Variants in IRAG1 observed in about 807,000 individuals in gnomAD.
The protein encoded by IRAG1 is inositol 1,4,5-triphosphate receptor associated 1.
In IRAG1, 62 loss-of-function variants were observed where a neutral mutation model predicts 106.2. That is an observed-to-expected ratio of 0.58 (90% confidence interval 0.48 to 0.72). IRAG1 has a LOEUF of 0.72. IRAG1 is among the 30% of genes least tolerant of loss of function. The pLI, the probability that IRAG1 is intolerant of heterozygous loss-of-function variation, is 0.00. For synonymous variants in IRAG1, 462 were observed against 443.9 expected, an observed-to-expected ratio of 1.04 and a Z score of -0.51; for missense variants, 1,064 against 1,140.7, an observed-to-expected ratio of 0.93 and a Z score of 0.97.
chr11:10,656,913 T>C (rs1858968900), intron 1 of IRAG1, among the ~76,000 whole-genome samples: 1 of 151,876 alleles, frequency 6.6e-6, no homozygotes, highest in African/African-American at 2.4e-5. Flanking sequence ...GTACTCCCAG[T>C]GAGGCTAAGG....
intron 10 of IRAG1, among the ~76,000 whole-genome samples, chr11:10,617,835 T>C (rs1322321810): frequency 6.6e-6 from 1 of 152,140 alleles, no homozygotes; most frequent in Non-Finnish European, 1.5e-5. Context: ...CTGTCCACAT[T>C]TACTACCACC....
chr11:10,684,988 G>A (rs1367834685), intron 1 of IRAG1, among the ~76,000 whole-genome samples: 1 of 152,202 alleles, frequency 6.6e-6, no homozygotes, highest in African/African-American at 2.4e-5. Flanking sequence ...CTCTGGAAGA[G>A]TCTCTCTGCT....
At position 10,609,837 on chromosome 11, in the gene IRAG1, G is replaced by A; in HGVS notation, c.1462C>T (p.Leu488Phe). Residue 488 changes from leucine (L) to phenylalanine (F), a missense_variant, in exon 11 of 21, where the codon CTC (leucine) becomes TTC (phenylalanine). By Grantham distance (22) the Leu-to-Phe change is conservative (BLOSUM62 0). Transcript: ENST00000423302. Reference sequence around the variant, plus strand: ...TCTTCTTCCTCAATAGCTGGGGAGAGTTCAGAAGGAAGCCCTGAAAAAAAA... The same window carrying A: ...TCTTCTTCCTCAATAGCTGGGGAGAATTCAGAAGGAAGCCCTGAAAAAAAA... ...AEQEKGLPSE[L>F]SPAIEEEESK... 2 of 1,613,748 alleles carry A rather than the reference G, an allele frequency of 1.2e-6. No homozygotes were observed. The highest frequency in any genetic ancestry group is 8.5e-7 in the Non-Finnish European group (1 of 1,179,790).
chr11:10,631,443 G>A (rs1309725905), intron 4 of IRAG1, among the ~76,000 whole-genome samples: 6 of 152,118 alleles, frequency 3.9e-5, no homozygotes, highest in Admixed American at 2.0e-4. Context: ...AGAGAGACTC[G>A]GTCCCCTTCT....
intron 1 of IRAG1, among the ~76,000 whole-genome samples, chr11:10,667,445 G>A (rs1369638454): frequency 2.0e-5 from 3 of 152,180 alleles, no homozygotes; most frequent in Non-Finnish European, 4.4e-5. Flanking sequence ...TTGGGCAGGG[G>A]CCCCAGGACA....
At chr11:10,646,352 C>T (rs948867220) in intron 2 of IRAG1, among the ~76,000 whole-genome samples, 1 of 152,154 alleles carries the variant, frequency 6.6e-6, no homozygotes, top group Admixed American at 6.5e-5. Flanking sequence ...ATCTACTATC[C>T]TCCCTTCCTT....
Position 10,657,257 on chromosome 11 carries a change from G to A in IRAG1, c.68-5075C>T, listed in dbSNP as rs191793485. Among the ~76,000 whole-genome samples, 91 of 152,338 alleles carry A rather than the reference G, an allele frequency of 6.0e-4. No homozygotes were observed. Among genetic ancestry groups the A allele is most frequent in the African/African-American group, 1.9e-3 (80 of 41,562 alleles). On this transcript the variant is annotated intron_variant, in intron 1 of 20. Coordinates refer to ENST00000423302, the MANE Select transcript of IRAG1 (RefSeq NM_130385.4). This position sits in a 1 kb window ranked among gnomAD's most constrained non-coding sequence, Gnocchi z 4.1. ...GACCCATGTTACAGATGAGGAAACA[G>A]AGGCCCAGAGACTTGCCCAATGTCA...
chr11:10,596,361 T>G (rs1462504949), intron 15 of IRAG1, among the ~76,000 whole-genome samples: 1 of 152,276 alleles, frequency 6.6e-6, no homozygotes, highest in Non-Finnish European at 1.5e-5. Context: ...TAAGAAATTA[T>G]TCCATTGGCT....
intron 15 of IRAG1, chr11:10,595,933 T>G (rs1853251843): frequency 6.6e-6 from 1 of 152,216 alleles, no homozygotes; most frequent in African/African-American, 2.4e-5. Context: ...CACTTCTTAG[T>G]GAGAACATGC....
At chr11:10,649,068 C>T (rs889141178) in intron 2 of IRAG1, among the ~76,000 whole-genome samples, 14 of 152,224 alleles carry the variant, frequency 9.2e-5, no homozygotes, top group Non-Finnish European at 1.6e-4. Flanking sequence ...GCCAACCCCG[C>T]TTCCTTGGCT....
chr11:10,686,791 C>T (rs574694122), intron 1 of IRAG1, among the ~76,000 whole-genome samples: 1 of 152,272 alleles, frequency 6.6e-6, no homozygotes, highest in African/African-American at 2.4e-5. Context: ...TTCACAAATA[C>T]CTCCCTTGCA....
At chr11:10,584,714 T>G (rs1359134501) in intron 18 of IRAG1, among the ~76,000 whole-genome samples, 1 of 151,690 alleles carries the variant, frequency 6.6e-6, no homozygotes, top group East Asian at 1.9e-4. Context: ...GAGGCAAACT[T>G]GGATTCAAAT....
intron 1 of IRAG1, among the ~76,000 whole-genome samples, chr11:10,680,221 A>C (rs868147196): frequency 5.5e-5 from 8 of 144,384 alleles, no homozygotes; most frequent in South Asian, 2.4e-4. Context: ...TGCAGTGAGC[A>C]GAGATTACAC....
chr11:10,594,040 G>C, intron 16 of IRAG1, 106 bp downstream of exon 16: 1 of 1,080,082 alleles, frequency 9.3e-7, no homozygotes, highest in South Asian at 1.5e-5. Flanking sequence ...TCTGTTCAGA[G>C]ATTCTCTGGC....
intron 13 of IRAG1, among the ~76,000 whole-genome samples, chr11:10,603,590 G>T (rs1396355377): frequency 6.6e-6 from 1 of 152,062 alleles, no homozygotes; most frequent in Non-Finnish European, 1.5e-5. Context: ...ACAGGCCATG[G>T]TTTGGTACCG....
At chr11:10,680,187 C>A (rs184118943) in intron 1 of IRAG1, among the ~76,000 whole-genome samples, 1 of 150,840 alleles carries the variant, frequency 6.6e-6, no homozygotes, top group African/African-American at 2.4e-5. Context: ...GTAGGAGAAT[C>A]GCTTGAACCC....
At chr11:10,577,392 C>G (rs1165193996) in intron 20 of IRAG1, among the ~76,000 whole-genome samples, 1 of 151,132 alleles carries the variant, frequency 6.6e-6, no homozygotes, top group Non-Finnish European at 1.5e-5. Context: ...ATTTTGTCCT[C>G]TCTCTCTCTC....
At position 10,645,453 on chromosome 11, in the gene IRAG1, G is replaced by T. The variant is rs374569553; in HGVS notation, c.225+6572C>A. ...GTGCATAGTCATCACTACCATGTAC[G>T]ACTGCGTTCTGAAGGTTAAATGCTA... On this transcript the variant is annotated intron_variant, in intron 2 of 20. Coordinates refer to ENST00000423302, the MANE Select transcript of IRAG1 (RefSeq NM_130385.4). Among the ~76,000 whole-genome samples, 6 of 152,288 alleles carry T rather than the reference G, an allele frequency of 3.9e-5. No homozygotes were observed. In the South Asian group the frequency reaches 1.2e-3, roughly 32 times the overall value.
intron 1 of IRAG1, chr11:10,687,745 A>T (rs1386733909): frequency 2.3e-6 from 3 of 1,289,094 alleles, no homozygotes; most frequent in Non-Finnish European, 2.0e-6. Flanking sequence ...TCAGAGCCTC[A>T]AACCCAGTGC....
Sources: gnomAD v4.1 joint callset for allele counts (sites outside exome capture counted in the v4.1 genomes callset) on GRCh38, gnomAD v4.1.1 for gene constraint, Gnocchi (gnomAD v3.1) non-coding constraint, MANE v1.5 for transcripts, NCBI Gene and HGNC (gene_info 2026-07-23, HGNC 2026-07-21) for gene names.